The following ZBTB46 variants were observed in gnomAD, a reference collection of about 807,000 sequenced individuals.
ZBTB46 encodes the protein zinc finger and BTB domain-containing protein 46.
Under a neutral mutation model 44.1 loss-of-function variants are expected in ZBTB46, and 8 were observed. The observed-to-expected ratio is 0.18, with a 90% confidence interval of 0.11 to 0.33. The LOEUF (loss-of-function observed/expected upper bound fraction) is 0.33, where lower values mean the gene tolerates loss of function less well. ZBTB46 is among the 10% of genes least tolerant of loss of function. The pLI, the probability that ZBTB46 is intolerant of heterozygous loss-of-function variation, is 1.00. For synonymous variants in ZBTB46, 409 were observed against 382.3 expected (o/e 1.07, Z -0.81); for missense variants, 651 against 847.7 (o/e 0.77, Z 2.88).
At chr20:63,765,132 T>C (rs6122163) in intron 3 of ZBTB46, among the ~76,000 whole-genome samples, 2 of 151,984 alleles carry the variant, frequency 1.3e-5, no homozygotes, top group Non-Finnish European at 2.9e-5. Flanking sequence ...TGTGTGTGTG[T>C]GTGGGGCTTA....
At chr20:63,773,923 CTT>C (rs1399620500) in intron 3 of ZBTB46, among the ~76,000 whole-genome samples, 1 of 152,228 alleles carries the variant, frequency 6.6e-6, no homozygotes, top group Non-Finnish European at 1.5e-5. Flanking sequence ...GACAAGTACA[CTT>C]TTGCATTTGA....
chr20:63,759,280 T>TGGTA (rs36043714), intron 3 of ZBTB46, among the ~76,000 whole-genome samples: 69,715 of 151,796 alleles, frequency 0.46, 17,205 homozygotes, highest in African/African-American at 0.63. Flanking sequence ...CCAGTATATT[T>TGGTA]AATTATCCTG....
At position 63,782,096 on chromosome 20, in the gene ZBTB46, A is replaced by AAAAAAAAAAAAAAG. The variant is rs1386082316; in HGVS notation, c.938-6135_938-6134insCTTTTTTTTTTTTT. Among the ~76,000 whole-genome samples the AAAAAAAAAAAAAAG allele has an allele frequency of 3.3e-4, 41 of 124,964 alleles. 1 individual carries two copies. Among genetic ancestry groups the AAAAAAAAAAAAAAG allele is most frequent in the Non-Finnish European group, 5.0e-4 (30 of 59,630 alleles). The allele number at this position is 124,964 out of a possible 152,430, so 82.0% of individuals were successfully genotyped here. A position where few individuals can be genotyped will look rare whatever the true frequency, so the allele number is the denominator to read the frequency against. On this transcript the variant is annotated intron_variant, in intron 2 of 4. Transcript: ENST00000245663. ...AGCAAGACTCCGTCTCAAAAAAAAA[A>AAAAAAAAAAAAAAG]AAAAGAAAAGAGGCGTGGCGATTTT... is the stretch of plus-strand genomic sequence containing the variant.
intron 1 of ZBTB46, among the ~76,000 whole-genome samples, chr20:63,828,324 G>A (rs891332028): frequency 3.3e-5 from 5 of 152,240 alleles, no homozygotes; most frequent in Non-Finnish European, 7.3e-5. Context: ...CGCGGCAGAC[G>A]GCAAGAGGAC....
At chr20:63,807,004 G>C (rs374118777) in intron 1 of ZBTB46, among the ~76,000 whole-genome samples, 17 of 152,124 alleles carry the variant, frequency 1.1e-4, no homozygotes, top group African/African-American at 4.1e-4. Context: ...GGATAGTCGC[G>C]ATCTCCTGAC....
chr20:63,794,472 C>T (rs2092585564), intron 1 of ZBTB46, among the ~76,000 whole-genome samples: 1 of 152,210 alleles, frequency 6.6e-6, no homozygotes, highest in East Asian at 1.9e-4. Flanking sequence ...GAATTACAGG[C>T]GTGAACCACC....
At chr20:63,762,653 AAAACAAACAAAC>A (rs201298710) in intron 3 of ZBTB46, among the ~76,000 whole-genome samples, 1 of 149,972 alleles carries the variant, frequency 6.7e-6, no homozygotes, top group Non-Finnish European at 1.5e-5. Context: ...CTTCTCTCAA[AAAACAAACAAAC>A]AAACAAACAA....
chr20:63,802,297 T>G (rs2145986104), intron 1 of ZBTB46, among the ~76,000 whole-genome samples: 1 of 151,916 alleles, frequency 6.6e-6, no homozygotes, highest in East Asian at 1.9e-4. Flanking sequence ...GTGGCGCACG[T>G]CTGTAATCCC....
chr20:63,789,862 A>T lies in ZBTB46; in HGVS notation c.896T>A (p.Phe299Tyr), dbSNP rs1308737369. The stretch of plus-strand genomic sequence containing the variant: ...GAACGGCCACCCCGACGTCGGCAGG[A>T]AGGACGGCACCGGGGAGCTGGCCCG... ...DSRASSPVPS[F>Y]LPTSGWPFSS... The change falls in exon 2 of 5, where the codon TTC becomes TAC. Residue 299 changes from phenylalanine to tyrosine, a missense_variant. By Grantham distance (22) the Phe-to-Tyr change is conservative. Around this residue, in one of 5 missense-constraint regions of ZBTB46, gnomAD observed 385 missense variants for 423.3 expected, o/e 0.91. Transcript: ENST00000245663. 1 of 1,613,124 alleles carries T rather than the reference A, an allele frequency of 6.2e-7. No individual in the cohort carries two copies. The highest frequency in any genetic ancestry group is 1.7e-5 in the Admixed American group (1 of 60,018).
chr20:63,746,874 G>GAC lies in ZBTB46; in HGVS notation c.*54_*55dup, dbSNP rs2092094537. On this transcript the variant is annotated 3_prime_UTR_variant, in exon 5 of 5. Transcript: ENST00000245663. ...CTGGCCCCGCAGTGGAGACCCACCG[G>GAC]ACACACACACGGGTGGACGGAGCGA... is the stretch of plus-strand genomic sequence containing the variant. 9.7e-6 allele frequency: 14 copies of GAC among 1,445,832 alleles called. No homozygotes were observed. The highest frequency in any genetic ancestry group is 2.9e-5 in the South Asian group (2 of 69,066). The allele number at this position is 1,445,832 out of a possible 1,614,324, so 89.6% of individuals were successfully genotyped here. A position where few individuals can be genotyped will look rare whatever the true frequency, so the allele number is the denominator to read the frequency against.
intron 1 of ZBTB46, among the ~76,000 whole-genome samples, chr20:63,804,089 TC>T (rs1360428433): frequency 4.0e-5 from 6 of 151,240 alleles, no homozygotes; most frequent in African/African-American, 9.7e-5. Context: ...CTGTCCCATC[TC>T]AGCCCCAGCC....
chr20:63,808,473 G>A (rs1568894374), intron 1 of ZBTB46, among the ~76,000 whole-genome samples: 2 of 152,124 alleles, frequency 1.3e-5, no homozygotes, highest in Admixed American at 1.3e-4. Context: ...TCAGCCCCGG[G>A]CCCGGCGGGA....
intron 3 of ZBTB46, among the ~76,000 whole-genome samples, chr20:63,772,001 C>CTT (rs11473575): frequency 0.53 from 74,012 of 138,620 alleles, 20,202 homozygotes; most frequent in Admixed American, 0.61. Context: ...AGGGCAAATT[C>CTT]TTTTTTTTTT....
chr20:63,765,093 GTGTA>G (rs1326433788), intron 3 of ZBTB46, among the ~76,000 whole-genome samples: 16 of 151,252 alleles, frequency 1.1e-4, no homozygotes, highest in Admixed American at 1.1e-3. Flanking sequence ...ATGTGTGCAT[GTGTA>G]TGTGTGGTTG....
chr20:63,753,309 C>T (rs1304360452), intron 3 of ZBTB46, among the ~76,000 whole-genome samples: 2 of 152,154 alleles, frequency 1.3e-5, no homozygotes, highest in Non-Finnish European at 2.9e-5. Flanking sequence ...TGGAGTAATA[C>T]GGACCCAAAA....
At chr20:63,813,325 T>A (rs1392648478) in intron 1 of ZBTB46, among the ~76,000 whole-genome samples, 1 of 151,832 alleles carries the variant, frequency 6.6e-6, no homozygotes, top group Non-Finnish European at 1.5e-5. Context: ...GGAGCGCGCC[T>A]GTAATCCCAG....
chr20:63,825,662 T>TCTGG (rs1362050357), intron 1 of ZBTB46, among the ~76,000 whole-genome samples: 3 of 152,186 alleles, frequency 2.0e-5, no homozygotes, highest in Admixed American at 2.0e-4. Flanking sequence ...AGCCTGTGTG[T>TCTGG]CTGGATGTGC....
chr20:63,806,821 C>T (rs1208062078), intron 1 of ZBTB46, among the ~76,000 whole-genome samples: 1 of 151,118 alleles, frequency 6.6e-6, no homozygotes, highest in Non-Finnish European at 1.5e-5. Flanking sequence ...CTCGCTCTGT[C>T]GGCCAGGATG....
At chr20:63,808,369 G>GACGCC (rs1379989081) in intron 1 of ZBTB46, among the ~76,000 whole-genome samples, 1 of 152,218 alleles carries the variant, frequency 6.6e-6, no homozygotes, top group Non-Finnish European at 1.5e-5. Flanking sequence ...CCGGAAGGCA[G>GACGCC]ACGCCACGGA....
Sources: gnomAD v4.1 joint callset for allele counts (sites outside exome capture counted in the v4.1 genomes callset) on GRCh38, gnomAD v4.1.1 for gene constraint, gnomAD v4.1.1 regional missense constraint, MANE v1.5 for transcripts, NCBI Gene and HGNC (gene_info 2026-07-23, HGNC 2026-07-21) for gene names.